Variants in TBC1D5 observed in about 807,000 individuals in gnomAD.
The protein encoded by TBC1D5 is TBC1 domain family member 5.
TBC1D5 carries 75 observed loss-of-function variants against 100.3 expected under a neutral mutation model. The ratio of observed to expected loss-of-function variants is 0.75; its 90% CI spans 0.62 to 0.91. TBC1D5 has a LOEUF of 0.91. Ranked by LOEUF, TBC1D5 falls within the 40% of genes least tolerant of loss-of-function variation. The probability of loss-of-function intolerance (pLI) is 0.00; values close to 1 mark genes in which losing one functional copy is unlikely to be tolerated. For missense variants in TBC1D5, 910 were observed against 942.4 expected (o/e 0.97, Z 0.45); for synonymous variants, 323 against 325.6 (o/e 0.99, Z 0.09).
intron 1 of TBC1D5, among the ~76,000 whole-genome samples, chr3:17,715,688 G>C (rs2075165137): frequency 6.6e-6 from 1 of 152,090 alleles, no homozygotes; most frequent in Admixed American, 6.6e-5. Context: ...TGTAGTCCCA[G>C]CTACTCAGGA....
At chr3:17,288,164 C>A (rs2081353728) in intron 15 of TBC1D5, among the ~76,000 whole-genome samples, 2 of 151,796 alleles carry the variant, frequency 1.3e-5, no homozygotes, top group South Asian at 4.2e-4. Flanking sequence ...TCTTTTTTTC[C>A]CCCTTAGCAT....
At chr3:17,736,754 G>A (rs1029918021) in intron 1 of TBC1D5, among the ~76,000 whole-genome samples, 1 of 152,232 alleles carries the variant, frequency 6.6e-6, no homozygotes, top group Admixed American at 6.5e-5. Context: ...GCTCATGCCT[G>A]TAATTCCAGC....
chr3:17,690,202 A>ATTTTT (rs1330856968), intron 1 of TBC1D5, among the ~76,000 whole-genome samples: 3 of 61,022 alleles, frequency 4.9e-5, no homozygotes, highest in African/African-American at 1.7e-4. Context: ...AAAAATAGCC[A>ATTTTT]TATTTTTTTT....
intron 15 of TBC1D5, among the ~76,000 whole-genome samples, chr3:17,267,172 T>G (rs950726299): frequency 2.0e-5 from 3 of 152,268 alleles, no homozygotes; most frequent in Non-Finnish European, 4.4e-5. Flanking sequence ...CTTTTACTAA[T>G]GTATTTACAT....
chr3:17,207,576 C>T (rs1042428286), intron 18 of TBC1D5, among the ~76,000 whole-genome samples: 1 of 152,176 alleles, frequency 6.6e-6, no homozygotes, highest in Non-Finnish European at 1.5e-5. Context: ...TGCCCTCTTT[C>T]ATTATATGGC....
intron 13 of TBC1D5, among the ~76,000 whole-genome samples, chr3:17,330,105 C>T (rs1290644171): frequency 1.3e-5 from 2 of 152,134 alleles, no homozygotes; most frequent in East Asian, 3.9e-4. Context: ...TGCCCCATCA[C>T]ATTTTATTAC....
intron 19 of TBC1D5, among the ~76,000 whole-genome samples, chr3:17,182,580 C>T (rs2068570034): frequency 1.3e-5 from 2 of 152,198 alleles, no homozygotes; most frequent in South Asian, 2.1e-4. Context: ...TCCAGTAAAT[C>T]TTTCTCCCCA....
chr3:17,443,402 G>A (rs915234078), intron 3 of TBC1D5, among the ~76,000 whole-genome samples: 1 of 152,138 alleles, frequency 6.6e-6, no homozygotes, highest in African/African-American at 2.4e-5. Context: ...ATACCCTATA[G>A]TTCAACAATG....
intron 13 of TBC1D5, among the ~76,000 whole-genome samples, chr3:17,322,754 A>T (rs1337914644): frequency 6.6e-6 from 1 of 152,218 alleles, no homozygotes; most frequent in African/African-American, 2.4e-5. Context: ...TATGAAGGGT[A>T]AACTTCTAGA....
chr3:17,495,019 C>T (rs1192154067), intron 3 of TBC1D5, among the ~76,000 whole-genome samples: 2 of 152,218 alleles, frequency 1.3e-5, no homozygotes, highest in East Asian at 1.9e-4. Context: ...ATGGGAGCTC[C>T]CCTTGCCCCG....
chr3:17,666,227 A>T (rs2067240494), intron 1 of TBC1D5, among the ~76,000 whole-genome samples: 1 of 152,314 alleles, frequency 6.6e-6, no homozygotes, highest in East Asian at 1.9e-4. Context: ...CCCTATACAT[A>T]AAGTATTTCC....
chr3:17,374,750 T>C, intron 10 of TBC1D5, 71 bp from the exon 11 acceptor site: 1 of 1,488,292 alleles, frequency 6.7e-7, no homozygotes, highest in Non-Finnish European at 9.2e-7. Context: ...TTTGCCTTAT[T>C]CTATATAAGA....
intron 1 of TBC1D5, among the ~76,000 whole-genome samples, chr3:17,675,840 T>G (rs1406308869): frequency 6.6e-6 from 1 of 152,158 alleles, no homozygotes; most frequent in East Asian, 1.9e-4. Context: ...TAGAATTTAT[T>G]ATTTTACGAT....
At chr3:17,172,906 G>A (rs928691541) in intron 19 of TBC1D5, among the ~76,000 whole-genome samples, 1 of 152,166 alleles carries the variant, frequency 6.6e-6, no homozygotes, top group Non-Finnish European at 1.5e-5. Flanking sequence ...GACAAAAGCA[G>A]AACATCTGGC....
chr3:17,362,591 C>T (rs1037962118), intron 13 of TBC1D5, among the ~76,000 whole-genome samples: 2 of 151,992 alleles, frequency 1.3e-5, no homozygotes, highest in Non-Finnish European at 2.9e-5. Context: ...CGTGCCTCAG[C>T]CTCCCAAGTA....
chr3:17,581,794 A>C (rs1442100889), intron 2 of TBC1D5, among the ~76,000 whole-genome samples: 1 of 152,190 alleles, frequency 6.6e-6, no homozygotes, highest in Non-Finnish European at 1.5e-5. Flanking sequence ...CTCATTCAAA[A>C]TGAAATCTAA....
At chr3:17,344,170 T>C (rs62245914) in intron 13 of TBC1D5, among the ~76,000 whole-genome samples, 62,411 of 151,854 alleles carry the variant, frequency 0.41, 13,470 homozygotes, top group Middle Eastern at 0.5. Context: ...GAAAACCCGA[T>C]TGTCTCAGCC....
At chr3:17,507,599 T>C (rs2095857392) in intron 3 of TBC1D5, among the ~76,000 whole-genome samples, 1 of 152,214 alleles carries the variant, frequency 6.6e-6, no homozygotes, top group African/African-American at 2.4e-5. Context: ...TCATTTTGTT[T>C]GAAGAAAATA....
chr3:17,710,151 G>C (rs558220602), intron 1 of TBC1D5, among the ~76,000 whole-genome samples: 23 of 151,936 alleles, frequency 1.5e-4, no homozygotes, highest in African/African-American at 5.6e-4. Flanking sequence ...AATGAACTAA[G>C]GGGAGAAAAA....
Sources: allele counts gnomAD v4.1 joint callset (sites outside exome capture counted in the v4.1 genomes callset), GRCh38; gene constraint gnomAD v4.1.1; transcripts MANE v1.5; gene names NCBI Gene and HGNC (gene_info 2026-07-23, HGNC 2026-07-21).